FANCB: variants seen among roughly 807,000 people sequenced by gnomAD.
FANCB encodes Fanconi anemia group B protein.
A neutral mutation model predicts 38.9 loss-of-function variants in FANCB; 5 were observed. The ratio of observed to expected loss-of-function variants is 0.13; its 90% CI spans 0.07 to 0.27. The LOEUF is 0.27. Ranked by LOEUF, FANCB falls within the 10% of genes least tolerant of loss-of-function variation. The pLI is 1.00. For synonymous variants in FANCB, 236 were observed against 215.4 expected (o/e 1.10, Z -0.84); for missense variants, 573 against 602.7 (o/e 0.95, Z 0.52).
At chrX:14,697,621 G>A in the FANCB span, among the ~76,000 whole-genome samples, 7 of 111,509 alleles carry the variant, frequency 6.3e-5, no homozygotes, top group African/African-American at 2.3e-4. Context: ...GGGGACAGAT[G>A]TTGCTCTCTA....
the FANCB span, among the ~76,000 whole-genome samples, chrX:14,758,974 A>T: frequency 9.0e-6 from 1 of 111,720 alleles, no homozygotes; most frequent in Non-Finnish European, 1.9e-5. Context: ...TAAAAAAAAA[A>T]TTACAAGATA....
chrX:14,743,573 TTTC>T, the FANCB span, among the ~76,000 whole-genome samples: 7 of 65,432 alleles, frequency 1.1e-4, no homozygotes, highest in African/African-American at 4.5e-4. Flanking sequence ...TGTGTATTTC[TTTC>T]TTTTTTTTTT....
chrX:14,732,844 T>C, the FANCB span, among the ~76,000 whole-genome samples: 1 of 112,149 alleles, frequency 8.9e-6, no homozygotes, highest in Non-Finnish European at 1.9e-5. Context: ...TTGATTCTGA[T>C]GATATTTTCT....
chrX:14,860,312 T>C (rs1313541010), intron 3 of FANCB, among the ~76,000 whole-genome samples: 1 of 112,351 alleles, frequency 8.9e-6, no homozygotes, highest in Non-Finnish European at 1.9e-5. Flanking sequence ...TAAGGCTAAT[T>C]GCCAAAGTTG....
At chrX:14,782,401 C>G in the FANCB span, among the ~76,000 whole-genome samples, 2 of 111,926 alleles carry the variant, frequency 1.8e-5, no homozygotes, top group East Asian at 5.6e-4. Flanking sequence ...CTTAGGACAT[C>G]GTATCAACTA....
the FANCB span, among the ~76,000 whole-genome samples, chrX:14,813,607 C>A: frequency 9.0e-6 from 1 of 111,349 alleles, no homozygotes; most frequent in Non-Finnish European, 1.9e-5. Context: ...ACTTAGGAAT[C>A]CAACTTACAA....
the FANCB span, among the ~76,000 whole-genome samples, chrX:14,723,810 G>A: frequency 1.8e-5 from 2 of 111,970 alleles, no homozygotes; most frequent in Admixed American, 1.9e-4. Context: ...TTATCTGTCA[G>A]ATTAGACCAG....
chrX:14,744,461 T>C, the FANCB span, among the ~76,000 whole-genome samples: 3 of 112,386 alleles, frequency 2.7e-5, no homozygotes, highest in Non-Finnish European at 3.8e-5. Context: ...TAAAACAGCC[T>C]ATATTCAGCT....
rs1057515809 is a variant in FANCB, at chrX:14,864,729, C to T, written c.782G>A (p.Arg261Gln). The T allele has an allele frequency of 1.7e-6, 2 of 1,211,443 alleles. No homozygotes were observed. The highest frequency in any genetic ancestry group is 1.1e-6 in the Non-Finnish European group (1 of 895,273). ...QLRISLIALT[R>Q]KNQLISFQNG... is the part of the protein sequence containing the mutation. ...CTGAAATGAAATCAGCTGATTCTTT[C>T]GAGTAAGGGCAATGAGAGATATTCT... The change falls in exon 3 of 10, where the codon CGA (arginine) becomes CAA (glutamine). Residue 261 changes from arginine to glutamine, a missense_variant. Physicochemically the swap from Arg to Gln is conservative, Grantham distance 43 (BLOSUM62 1). Coordinates refer to ENST00000650831, the MANE Select transcript of FANCB (RefSeq NM_001018113.3).
At chrX:14,760,459 GA>G in the FANCB span, among the ~76,000 whole-genome samples, 1 of 111,511 alleles carries the variant, frequency 9.0e-6, no homozygotes, top group African/African-American at 3.3e-5. Context: ...ATAGTTAGGA[GA>G]AATAAGTTCT....
At chrX:14,704,599 A>G in the FANCB span, among the ~76,000 whole-genome samples, 1 of 111,746 alleles carries the variant, frequency 8.9e-6, no homozygotes, top group Non-Finnish European at 1.9e-5. Flanking sequence ...ATATGCTTAA[A>G]TGGAGTTATT....
chrX:14,706,519 T>A, the FANCB span, among the ~76,000 whole-genome samples: 3 of 112,497 alleles, frequency 2.7e-5, no homozygotes, highest in African/African-American at 9.7e-5. Flanking sequence ...TTATTTTTAA[T>A]TGTGAAAGAT....
intron 2 of FANCB, among the ~76,000 whole-genome samples, chrX:14,866,796 T>C (rs973067284): frequency 1.1e-4 from 12 of 111,746 alleles, no homozygotes; most frequent in Non-Finnish European, 2.1e-4. Context: ...AATGCAAAAC[T>C]GTCCTTGTTT....
chrX:14,763,973 C>A, the FANCB span, among the ~76,000 whole-genome samples: 1 of 111,421 alleles, frequency 9.0e-6, no homozygotes, highest in Admixed American at 9.6e-5. Context: ...TAATACTCCC[C>A]GAGGGTAGAC....
At chrX:14,767,777 G>A in the FANCB span, among the ~76,000 whole-genome samples, 10 of 112,036 alleles carry the variant, frequency 8.9e-5, no homozygotes, top group South Asian at 3.7e-3. Context: ...TGTCCTGAAT[G>A]GTATTGCCTA....
chrX:14,779,489 C>A, the FANCB span, among the ~76,000 whole-genome samples: 1 of 111,537 alleles, frequency 9.0e-6, no homozygotes, highest in Admixed American at 9.5e-5. Context: ...GGATTAAGGT[C>A]GTCATAAAAG....
chrX:14,864,471 T>A, intron 3 of FANCB, 89 bp downstream of exon 3: 1 of 611,570 alleles, frequency 1.6e-6, no homozygotes, highest in South Asian at 2.3e-5. Flanking sequence ...ACTTAGACAA[T>A]AAGACTCCAG....
the FANCB span, among the ~76,000 whole-genome samples, chrX:14,825,940 A>G: frequency 1.8e-5 from 2 of 112,182 alleles, no homozygotes; most frequent in East Asian, 2.8e-4. Flanking sequence ...AAGGCTATAC[A>G]TTGCCTTAGC....
At chrX:14,839,234 C>T (rs905007490), downstream of FANCB, among the ~76,000 whole-genome samples, 3 of 110,380 alleles carry the variant, frequency 2.7e-5, no homozygotes, top group Admixed American at 9.7e-5. Flanking sequence ...GCGGAGGCTG[C>T]AGAGCTGAGA....
Sources: gnomAD v4.1 joint callset for allele counts (sites outside exome capture counted in the v4.1 genomes callset) on GRCh38, gnomAD v4.1.1 for gene constraint, MANE v1.5 for transcripts, NCBI Gene and HGNC (gene_info 2026-07-23, HGNC 2026-07-21) for gene names.